The following SLC35F2 variants were observed in gnomAD, a reference collection of about 807,000 sequenced individuals.
The protein encoded by SLC35F2 is queuine/queuosine transporter SLC35F2.
Under a neutral mutation model 38.1 loss-of-function variants are expected in SLC35F2, and 25 were observed. That is an observed-to-expected ratio of 0.66 (90% confidence interval 0.48 to 0.92). The LOEUF is 0.92. Ranked by LOEUF, SLC35F2 falls within the 40% of genes least tolerant of loss-of-function variation. The pLI is 0.00. For missense variants in SLC35F2, 409 were observed against 452.9 expected (o/e 0.90, Z 0.88); for synonymous variants, 173 against 181.7 (o/e 0.95, Z 0.38).
intron 1 of SLC35F2, among the ~76,000 whole-genome samples, chr11:107,820,779 A>T (rs1391924201): frequency 6.6e-6 from 1 of 152,130 alleles, no homozygotes; most frequent in Non-Finnish European, 1.5e-5. Context: ...GACATAGTGA[A>T]ATCCCGTCTC....
Position 107,805,109 on chromosome 11 carries a change from C to T in SLC35F2, c.731+250G>A, listed in dbSNP as rs1036079133. On this transcript the variant is annotated intron_variant, in intron 5 of 7. Transcript: ENST00000525815. ...AACTCCTTACTGGCAAATGCCTCTA[C>T]CACATGGTAATCAGGAATCCTAAGC... The T allele has an allele frequency of 5.1e-6, 5 of 985,262 alleles. No homozygotes were observed. In the African/African-American group the frequency reaches 8.7e-5, roughly 17 times the overall value. The allele number at this position is 985,262 out of a possible 1,614,324, so 61.0% of individuals were successfully genotyped here.
chr11:107,813,609 G>C (rs1038381732), intron 2 of SLC35F2, among the ~76,000 whole-genome samples: 2 of 152,170 alleles, frequency 1.3e-5, no homozygotes, highest in Non-Finnish European at 2.9e-5. Flanking sequence ...GAAGGCCAAT[G>C]CTTCCACAAA....
chr11:107,856,130 GAAGAA>G (rs1418385169), intron 1 of SLC35F2, among the ~76,000 whole-genome samples: 3 of 144,512 alleles, frequency 2.1e-5, no homozygotes, highest in African/African-American at 5.2e-5. Flanking sequence ...AAAAGAAGAA[GAAGAA>G]AAGAAAAGAA....
At chr11:107,810,997 T>C in intron 3 of SLC35F2, 1 of 984,866 alleles carries the variant, frequency 1.0e-6, no homozygotes, top group Non-Finnish European at 1.2e-6. Flanking sequence ...AACTGTGACA[T>C]CTAAACCTGG....
intron 7 of SLC35F2, among the ~76,000 whole-genome samples, chr11:107,802,438 G>C (rs1042508587): frequency 7.2e-5 from 11 of 152,136 alleles, no homozygotes; most frequent in African/African-American, 2.7e-4. Context: ...ACCCATTGCT[G>C]ATGGCAGCAG....
chr11:107,820,398 C>A (rs2134803416), intron 1 of SLC35F2, among the ~76,000 whole-genome samples: 1 of 152,072 alleles, frequency 6.6e-6, no homozygotes, highest in Non-Finnish European at 1.5e-5. Flanking sequence ...CACTAACCCA[C>A]TTTAATCAAG....
intron 1 of SLC35F2, among the ~76,000 whole-genome samples, chr11:107,831,243 G>A (rs1357515932): frequency 6.6e-6 from 1 of 152,144 alleles, no homozygotes; most frequent in African/African-American, 2.4e-5. Flanking sequence ...ACCCAAATGT[G>A]ATTATCAGGA....
At chr11:107,828,389 G>T (rs184870583) in intron 1 of SLC35F2, among the ~76,000 whole-genome samples, 2 of 144,304 alleles carry the variant, frequency 1.4e-5, no homozygotes, top group East Asian at 4.1e-4. Context: ...AACTGAGATC[G>T]CACCACTGCA....
chr11:107,838,627 CTTTTTTTTTTT>C (rs71047631), intron 1 of SLC35F2, among the ~76,000 whole-genome samples: 1 of 108,676 alleles, frequency 9.2e-6, no homozygotes, highest in African/African-American at 3.8e-5. Flanking sequence ...GCCCGGCCCT[CTTTTTTTTTTT>C]TTTTTTTTTT....
intron 2 of SLC35F2, among the ~76,000 whole-genome samples, chr11:107,812,436 T>A (rs1020044938): frequency 2.6e-5 from 4 of 151,584 alleles, no homozygotes; most frequent in Non-Finnish European, 4.4e-5. Flanking sequence ...ACTCAGGAGG[T>A]TGAGGTGAGG....
rs758701096 is a variant in SLC35F2, at chr11:107,806,789, C to T, written c.502G>A (p.Val168Met). ...CCTACACCCAACAGACAGACAGCCA[C>T]GGCGATGAAGTGGATCACTCTGTAT... ...ARYRVIHFIA[V>M]AVCLLGVGTM... Residue 168 changes from valine to methionine, a missense_variant, in exon 4 of 8, where the codon GTG becomes ATG. Coordinates refer to ENST00000525815, the MANE Select transcript of SLC35F2 (RefSeq NM_017515.5). 2.1e-5 allele frequency: 34 copies of T among 1,613,872 alleles called. No individual in the cohort carries two copies. The East Asian group carries it at 5.3e-4, about 25-fold the overall frequency.
intron 1 of SLC35F2, among the ~76,000 whole-genome samples, chr11:107,850,250 T>C (rs952370108): frequency 1.3e-5 from 2 of 152,168 alleles, no homozygotes; most frequent in African/African-American, 4.8e-5. Flanking sequence ...ATGAGAGTGG[T>C]CATCACAGTG....
intron 1 of SLC35F2, among the ~76,000 whole-genome samples, chr11:107,819,313 A>G (rs994183218): frequency 2.0e-5 from 3 of 152,182 alleles, no homozygotes; most frequent in Non-Finnish European, 4.4e-5. Context: ...TCTCAAAAGT[A>G]AGGAATCTCC....
chr11:107,796,631 G>A (rs1859220996), intron 7 of SLC35F2, among the ~76,000 whole-genome samples: 1 of 152,150 alleles, frequency 6.6e-6, no homozygotes, highest in Non-Finnish European at 1.5e-5. Context: ...TGGAGGATGT[G>A]TGGATTGGGG....
intron 1 of SLC35F2, among the ~76,000 whole-genome samples, chr11:107,857,576 A>G (rs1451209616): frequency 1.3e-5 from 2 of 152,214 alleles, no homozygotes; most frequent in Non-Finnish European, 2.9e-5. Context: ...ACATGCATCA[A>G]TTTCAAACTA....
At chr11:107,820,088 T>C (rs1404377055) in intron 1 of SLC35F2, among the ~76,000 whole-genome samples, 2 of 151,564 alleles carry the variant, frequency 1.3e-5, no homozygotes, top group East Asian at 3.9e-4. Context: ...AAACCCAGTC[T>C]CTACTAAAAA....
chr11:107,853,552 A>C (rs538943483), intron 1 of SLC35F2, among the ~76,000 whole-genome samples: 8 of 151,926 alleles, frequency 5.3e-5, no homozygotes, highest in African/African-American at 1.9e-4. Flanking sequence ...CCCCGCCTCT[A>C]CTAAAAATAC....
chr11:107,834,219 G>C (rs889728294), intron 1 of SLC35F2, among the ~76,000 whole-genome samples: 1 of 152,174 alleles, frequency 6.6e-6, no homozygotes, highest in Non-Finnish European at 1.5e-5. Flanking sequence ...CAGCTAGAGA[G>C]TCTTATTTAC....
rs982679817 is a variant in SLC35F2, at chr11:107,793,761, A to AAAC, written c.940-964_940-962dup. 5.9e-5 allele frequency among the ~76,000 whole-genome samples: 9 copies of AAAC among 152,288 alleles called. 1 individual carries two copies. Among genetic ancestry groups the AAAC allele is most frequent in the African/African-American group, 9.6e-5 (4 of 41,562 alleles). ...AAGGTCCGGTGAGGACAATCATAGG[A>AAAC]AACAGAGCCCTGTGAGAGGCATCTC... On this transcript the variant is annotated intron_variant, in intron 7 of 7. Transcript: ENST00000525815.
Sources: allele counts gnomAD v4.1 joint callset (sites outside exome capture counted in the v4.1 genomes callset), GRCh38; gene constraint gnomAD v4.1.1; transcripts MANE v1.5; gene names NCBI Gene and HGNC (gene_info 2026-07-23, HGNC 2026-07-21).